Variants in CNTNAP2 observed in about 807,000 individuals in gnomAD.
The protein encoded by CNTNAP2 is contactin-associated protein-like 2.
In CNTNAP2, 98 loss-of-function variants were observed where a neutral mutation model predicts 155.2. The ratio of observed to expected loss-of-function variants is 0.63; its 90% CI spans 0.54 to 0.75. The LOEUF is 0.75. Among genes scored for constraint, CNTNAP2 ranks in the 30% least tolerant of loss-of-function variants. The probability of loss-of-function intolerance (pLI) is 0.00; values close to 1 mark genes in which losing one functional copy is unlikely to be tolerated. For missense variants in CNTNAP2, 1,727 were observed against 1,688.1 expected (o/e 1.02, Z -0.40); for synonymous variants, 651 against 631.2 (o/e 1.03, Z -0.47).
intron 9 of CNTNAP2, among the ~76,000 whole-genome samples, chr7:147,346,162 T>TGAGACAGAGTC: frequency 6.7e-6 from 1 of 148,234 alleles, no homozygotes; most frequent in Admixed American, 6.7e-5. Flanking sequence ...TATTTTTTTT[T>TGAGACAGAGTC]TTTGAGACAG....
At chr7:146,896,013 G>A (rs976665475) in intron 3 of CNTNAP2, among the ~76,000 whole-genome samples, 13 of 151,998 alleles carry the variant, frequency 8.6e-5, no homozygotes, top group African/African-American at 1.7e-4. Flanking sequence ...TTGGATAATC[G>A]TTTTCCTTCC....
chr7:147,228,978 A>G (rs1367522324), intron 8 of CNTNAP2, among the ~76,000 whole-genome samples: 3 of 152,072 alleles, frequency 2.0e-5, no homozygotes, highest in Non-Finnish European at 1.5e-5. Flanking sequence ...CCTGTAAGAG[A>G]CATGAACTCA....
In CNTNAP2 at chr7:146,632,964, C is replaced by A. The variant is rs965740000; in HGVS notation, c.98-141307C>A. Among the ~76,000 whole-genome samples the A allele has an allele frequency of 2.7e-5, 4 of 150,840 alleles. No homozygotes were observed. The South Asian group carries it at 6.3e-4, about 24-fold the overall frequency. On this transcript the variant is annotated intron_variant, in intron 1 of 23. Transcript: ENST00000361727. ...AAGCAAAAAAAAAAATACAAAATATCGGAAGAATTACTGAATTGAGAGAAT... is the reference window on the plus strand; with the variant it reads ...AAGCAAAAAAAAAAATACAAAATATAGGAAGAATTACTGAATTGAGAGAAT...
At position 146,590,676 on chromosome 7, in the gene CNTNAP2, A is replaced by T. The variant is rs988370503; in HGVS notation, c.98-183595A>T. Among the ~76,000 whole-genome samples, 2 of 152,134 alleles carry T rather than the reference A, an allele frequency of 1.3e-5. 1 individual carries two copies. The highest frequency in any genetic ancestry group is 1.3e-4 in the Admixed American group (2 of 15,256). The stretch of plus-strand genomic sequence containing the variant: ...TTAAAACACAGATGCACAACACACC[A>T]TTTATTCAGCATCCCCAAAGACAAA... On this transcript the variant is annotated intron_variant, in intron 1 of 23. Transcript: ENST00000361727.
At chr7:146,629,407 T>C (rs1799473638) in intron 1 of CNTNAP2, among the ~76,000 whole-genome samples, 1 of 152,186 alleles carries the variant, frequency 6.6e-6, no homozygotes, top group African/African-American at 2.4e-5. Flanking sequence ...TTAAAATCCA[T>C]TAAAAATGCT....
At chr7:148,200,678 C>T (rs186056250) in intron 18 of CNTNAP2, among the ~76,000 whole-genome samples, 4 of 152,188 alleles carry the variant, frequency 2.6e-5, no homozygotes, top group Admixed American at 6.5e-5. Flanking sequence ...TACCATTCTC[C>T]GCAGTAATTT....
At chr7:147,579,411 CTTATAATG>C (rs1269332236) in intron 12 of CNTNAP2, among the ~76,000 whole-genome samples, 1 of 151,894 alleles carries the variant, frequency 6.6e-6, no homozygotes, top group East Asian at 1.9e-4. Context: ...TTGTGTGGAA[CTTATAATG>C]TTATAAGTAT....
intron 21 of CNTNAP2, among the ~76,000 whole-genome samples, chr7:148,316,783 A>T (rs1463569870): frequency 6.6e-6 from 1 of 152,228 alleles, no homozygotes; most frequent in Non-Finnish European, 1.5e-5. Context: ...TTTTGCAGGG[A>T]ACCAAAGATC....
At chr7:146,342,218 G>C (rs1425746311) in intron 1 of CNTNAP2, among the ~76,000 whole-genome samples, 1 of 152,074 alleles carries the variant, frequency 6.6e-6, no homozygotes, top group Non-Finnish European at 1.5e-5. Flanking sequence ...GAGTACTCTT[G>C]AAAACCCTAG....
intron 1 of CNTNAP2, among the ~76,000 whole-genome samples, chr7:146,383,036 G>A (rs931331317): frequency 1.6e-4 from 24 of 152,084 alleles, no homozygotes; most frequent in African/African-American, 5.6e-4. Flanking sequence ...CATTATAGCT[G>A]TAAAGCCTTC....
chr7:147,645,251 C>A lies in CNTNAP2; in HGVS notation c.2098+5945C>A, dbSNP rs201325531. On this transcript the variant is annotated intron_variant, in intron 13 of 23. Coordinates refer to ENST00000361727, the MANE Select transcript of CNTNAP2 (RefSeq NM_014141.6). ...ATTGTAACATATAATCTATTTTTAG[C>A]AAGAAATTCTAAACTTTGGTGCGGC... Among the ~76,000 whole-genome samples the A allele has an allele frequency of 4.6e-5, 7 of 152,024 alleles. No individual in the cohort carries two copies. In the East Asian group the frequency reaches 1.3e-3, roughly 29 times the overall value.
chr7:146,379,618 C>T (rs945574111), intron 1 of CNTNAP2, among the ~76,000 whole-genome samples: 7 of 152,132 alleles, frequency 4.6e-5, no homozygotes, highest in Non-Finnish European at 8.8e-5. Context: ...TTCCATTGTT[C>T]ACTCTTCCTG....
chr7:147,242,962 T>A (rs1289236004), intron 8 of CNTNAP2, among the ~76,000 whole-genome samples: 1 of 150,014 alleles, frequency 6.7e-6, no homozygotes, highest in African/African-American at 2.4e-5. Flanking sequence ...AAGTATTGAA[T>A]GTTGTATTCC....
rs186003836 is a variant in CNTNAP2 at position 146,758,391 on chromosome 7, G to C, written c.98-15880G>C. On this transcript the variant is annotated intron_variant, in intron 1 of 23. Coordinates refer to ENST00000361727, the MANE Select transcript of CNTNAP2 (RefSeq NM_014141.6). ...ACATGGAAGAGGTTATCCCAGGTGTGGTGCTCAACTGTCTGGGTGAGGCTT... is the reference window on the plus strand; with the variant it reads ...ACATGGAAGAGGTTATCCCAGGTGTCGTGCTCAACTGTCTGGGTGAGGCTT... Among the ~76,000 whole-genome samples the C allele has an allele frequency of 6.6e-5, 10 of 152,256 alleles. No individual in the cohort carries two copies. In the East Asian group the frequency reaches 1.9e-3, roughly 29 times the overall value.
intron 13 of CNTNAP2, among the ~76,000 whole-genome samples, chr7:147,761,740 A>G (rs1797301395): frequency 6.6e-6 from 1 of 152,182 alleles, no homozygotes; most frequent in Admixed American, 6.5e-5. Flanking sequence ...TGTATATTCA[A>G]AGTAACACCT....
chr7:147,361,909 G>C (rs931474136), intron 9 of CNTNAP2, among the ~76,000 whole-genome samples: 2 of 152,090 alleles, frequency 1.3e-5, no homozygotes, highest in African/African-American at 4.8e-5. Flanking sequence ...GATGGCTAAG[G>C]GGGTAACTCA....
At chr7:146,549,806 C>T (rs1212449710) in intron 1 of CNTNAP2, among the ~76,000 whole-genome samples, 2 of 151,994 alleles carry the variant, frequency 1.3e-5, no homozygotes, top group African/African-American at 4.8e-5. Flanking sequence ...CCATCATTTG[C>T]TGAAAACTCT....
At chr7:146,684,333 T>TA (rs1313049236) in intron 1 of CNTNAP2, among the ~76,000 whole-genome samples, 1 of 152,112 alleles carries the variant, frequency 6.6e-6, no homozygotes, top group Non-Finnish European at 1.5e-5. Context: ...TAAGTGAGAA[T>TA]AAAACAAAAA....
At chr7:147,856,454 C>G (rs1226673136) in intron 13 of CNTNAP2, among the ~76,000 whole-genome samples, 2 of 152,118 alleles carry the variant, frequency 1.3e-5, no homozygotes, top group Admixed American at 1.3e-4. Flanking sequence ...TGCCGAAACA[C>G]CCTCCTCATA....
Sources: allele counts gnomAD v4.1 joint callset (sites outside exome capture counted in the v4.1 genomes callset), GRCh38; gene constraint gnomAD v4.1.1; transcripts MANE v1.5; gene names NCBI Gene and HGNC (gene_info 2026-07-23, HGNC 2026-07-21).